The following KSR1 variants were observed in gnomAD, a reference collection of about 807,000 sequenced individuals.
KSR1 encodes the protein kinase suppressor of ras 1.
Under a neutral mutation model 92.9 loss-of-function variants are expected in KSR1, and 35 were observed. That is an observed-to-expected ratio of 0.38 (90% CI 0.29 to 0.50). KSR1 has a LOEUF of 0.50. Among genes scored for constraint, KSR1 ranks in the 20% least tolerant of loss-of-function variants. KSR1 has a pLI of 0.94. For missense variants in KSR1, 972 were observed against 1,158.5 expected (o/e 0.84, Z 2.34); for synonymous variants, 467 against 472.6 (o/e 0.99, Z 0.15).
intron 10 of KSR1, among the ~76,000 whole-genome samples, chr17:27,598,585 C>T (rs1219228464): frequency 6.6e-6 from 1 of 152,220 alleles, no homozygotes; most frequent in Non-Finnish European, 1.5e-5. Context: ...AGTGATGGCC[C>T]ATTTGATTAA....
intron 1 of KSR1, among the ~76,000 whole-genome samples, chr17:27,543,133 C>T (rs1325059881): frequency 2.0e-5 from 3 of 152,240 alleles, no homozygotes; most frequent in Non-Finnish European, 2.9e-5. Context: ...GGAAGCCGCC[C>T]GTGGGAGCTC....
At chr17:27,607,539 A>ATGTTGCCT (rs546038478) in intron 14 of KSR1, among the ~76,000 whole-genome samples, 156 of 152,264 alleles carry the variant, frequency 1.0e-3, no homozygotes, top group African/African-American at 3.6e-3. Flanking sequence ...CAGAGCCTTG[A>ATGTTGCCT]TGTTGCCTGT....
chr17:27,558,364 T>C (rs889431822), intron 2 of KSR1, among the ~76,000 whole-genome samples: 1 of 152,078 alleles, frequency 6.6e-6, no homozygotes, highest in East Asian at 1.9e-4. Context: ...CCATAAAAAT[T>C]CATGTTATCC....
At chr17:27,574,364 A>G (rs1393482651) in intron 2 of KSR1, among the ~76,000 whole-genome samples, 1 of 152,180 alleles carries the variant, frequency 6.6e-6, no homozygotes, top group Non-Finnish European at 1.5e-5. Flanking sequence ...TTCCTGTGAC[A>G]CTTTAGTTTT....
intron 1 of KSR1, among the ~76,000 whole-genome samples, chr17:27,536,140 C>T (rs552638027): frequency 8.5e-5 from 13 of 152,302 alleles, no homozygotes; most frequent in African/African-American, 2.4e-4. Flanking sequence ...AAGTGAGAGA[C>T]GGCTGGGCTG....
intron 1 of KSR1, among the ~76,000 whole-genome samples, chr17:27,458,325 G>A (rs1013275425): frequency 2.6e-5 from 4 of 152,152 alleles, no homozygotes; most frequent in Admixed American, 2.6e-4. Context: ...GGGCCTGTGA[G>A]GCTCAGTTCC....
At chr17:27,611,222 G>A in intron 17 of KSR1, 1 of 438,278 alleles carries the variant, frequency 2.3e-6, no homozygotes, top group South Asian at 3.3e-5. Context: ...GAAGGTGGCA[G>A]AGCTGGATTT....
intron 1 of KSR1, among the ~76,000 whole-genome samples, chr17:27,509,452 G>A (rs1200345635): frequency 1.3e-5 from 2 of 151,942 alleles, no homozygotes; most frequent in Non-Finnish European, 2.9e-5. Flanking sequence ...CACCACGCCC[G>A]GCTATTTTTT....
intron 1 of KSR1, among the ~76,000 whole-genome samples, chr17:27,480,460 C>T (rs981285955): frequency 6.6e-6 from 1 of 151,998 alleles, no homozygotes; most frequent in Non-Finnish European, 1.5e-5. Flanking sequence ...TGCAGTGGTG[C>T]GATCTTGGCT....
chr17:27,457,250 G>A (rs1367429506), intron 1 of KSR1, among the ~76,000 whole-genome samples: 2 of 152,008 alleles, frequency 1.3e-5, no homozygotes, highest in Non-Finnish European at 2.9e-5. Context: ...CCGAGCACCC[G>A]TGGGCCAGGG....
In KSR1 at chr17:27,592,386, A is replaced by G; in HGVS notation, c.1156A>G (p.Lys386Glu). The stretch of plus-strand genomic sequence containing the variant: ...GTTGAAGTGTCACAACAAATGTACC[A>G]AAGAAGCCCCTGCCTGTAGAATATC... ...CRLKCHNKCT[K>E]EAPACRISFL... The change falls in exon 8 of 21, where the codon AAA becomes GAA. Residue 386 changes from lysine (K) to glutamate (E), a missense_variant. Around this residue, in one of 5 missense-constraint regions of KSR1, gnomAD observed 611 missense variants for 668.0 expected, o/e 0.91. Coordinates refer to ENST00000644974, the MANE Select transcript of KSR1 (RefSeq NM_001394583.1). The G allele has an allele frequency of 3.7e-6, 6 of 1,613,926 alleles. No individual in the cohort carries two copies.
rs879438653 is a variant in KSR1, at chr17:27,498,166, C to T, written c.231+41292C>T. Among the ~76,000 whole-genome samples the T allele has an allele frequency of 7.4e-4, 112 of 151,872 alleles. 1 individual carries two copies. Among genetic ancestry groups the T allele is most frequent in the East Asian group, 1.9e-4 (1 of 5,178 alleles). On this transcript the variant is annotated intron_variant, in intron 1 of 20. Coordinates refer to ENST00000644974, the MANE Select transcript of KSR1 (RefSeq NM_001394583.1). ...CCAACATGGTGAAACCCCGTCTCTA[C>T]TGAAAATACAAAATTTAGCCGAGTG... is the stretch of plus-strand genomic sequence containing the variant.
chr17:27,570,572 A>G lies in KSR1; in HGVS notation c.373-6920A>G, dbSNP rs558743634. The stretch of plus-strand genomic sequence containing the variant: ...ACCAATGCATACGTGAGAAGAAGCC[A>G]ATCCTGAAGGTTCCAGTTCAAGCCC... On this transcript the variant is annotated intron_variant, in intron 2 of 20. Transcript: ENST00000644974. Among the ~76,000 whole-genome samples, 4 of 152,342 alleles carry G rather than the reference A, an allele frequency of 2.6e-5. No individual in the cohort carries two copies. The South Asian group carries it at 8.3e-4, about 32-fold the overall frequency.
intron 1 of KSR1, among the ~76,000 whole-genome samples, chr17:27,537,236 A>C (rs1597975128): frequency 6.6e-6 from 1 of 152,218 alleles, no homozygotes; most frequent in Non-Finnish European, 1.5e-5. Flanking sequence ...CAAGGATTCC[A>C]TATCTCCAGC....
chr17:27,611,677 G>A (rs755343076), intron 18 of KSR1, 48 bp downstream of exon 18: 1 of 1,609,528 alleles, frequency 6.2e-7, no homozygotes, highest in South Asian at 1.1e-5. Context: ...GAGGTGGGGT[G>A]GGGCATGTGG....
intron 19 of KSR1, among the ~76,000 whole-genome samples, chr17:27,620,790 G>C (rs1375738189): frequency 2.0e-5 from 3 of 152,158 alleles, no homozygotes; most frequent in Non-Finnish European, 4.4e-5. Context: ...TCCACTAGGT[G>C]GACACTGGCA....
chr17:27,554,153 C>T (rs1260542887), intron 2 of KSR1, among the ~76,000 whole-genome samples: 1 of 152,194 alleles, frequency 6.6e-6, no homozygotes, highest in Non-Finnish European at 1.5e-5. Context: ...CATTAAAAAC[C>T]CACGTCTGTC....
chr17:27,581,482 G>A (rs1241558218), intron 3 of KSR1, among the ~76,000 whole-genome samples: 1 of 152,070 alleles, frequency 6.6e-6, no homozygotes, highest in Admixed American at 6.5e-5. Flanking sequence ...ACCAGAAGGT[G>A]CCGTATGCCC....
At chr17:27,610,316 A>C in intron 17 of KSR1, 118 bp downstream of exon 17, 1 of 1,410,630 alleles carries the variant, frequency 7.1e-7, no homozygotes, top group South Asian at 1.3e-5. Flanking sequence ...CTGGAGTAAA[A>C]AATCAACCTT....
Sources: gnomAD v4.1 joint callset for allele counts (sites outside exome capture counted in the v4.1 genomes callset) on GRCh38, gnomAD v4.1.1 for gene constraint, gnomAD v4.1.1 regional missense constraint, MANE v1.5 for transcripts, NCBI Gene and HGNC (gene_info 2026-07-23, HGNC 2026-07-21) for gene names.